The following SPTB variants were observed in gnomAD, a reference collection of about 807,000 sequenced individuals.
SPTB encodes the protein spectrin beta chain, erythrocytic.
SPTB carries 45 observed loss-of-function variants against 256.2 expected under a neutral mutation model. That is an observed-to-expected ratio of 0.18 (90% confidence interval 0.14 to 0.23). SPTB has a LOEUF of 0.23. Among genes scored for constraint, SPTB ranks in the 10% least tolerant of loss-of-function variants. The pLI is 1.00. For synonymous variants in SPTB, 1,231 were observed against 1,243.1 expected (o/e 0.99, Z 0.21); for missense variants, 2,715 against 3,040.4 (o/e 0.89, Z 2.52).
rs747387364 is a variant in SPTB at position 64,775,382 on chromosome 14, C to A, written c.4585G>T (p.Gly1529Cys). The change falls in exon 23 of 36, where the codon GGC becomes TGC. Residue 1529 changes from glycine to cysteine, a missense_variant. By Grantham distance (159) the Gly-to-Cys change is radical (BLOSUM62 -3). Transcript: ENST00000644917. The surrounding 1 kb of genome is among the most constrained non-coding windows in gnomAD (Gnocchi z 5.0). Reference sequence around the variant, plus strand: ...ACATCCTCAACCCGCGGCGTATGGCCCAGAATCTCATTCTGCAGTGTCTGC... The same window carrying A: ...ACATCCTCAACCCGCGGCGTATGGCACAGAATCTCATTCTGCAGTGTCTGC... ...KNQTLQNEIL[G>C]HTPRVEDVLQ... 6.2e-7 allele frequency: 1 copy of A among 1,612,556 alleles called. No homozygotes were observed. Among genetic ancestry groups the A allele is most frequent in the Non-Finnish European group, 8.5e-7 (1 of 1,178,916 alleles).
intron 33 of SPTB, among the ~76,000 whole-genome samples, chr14:64,751,867 C>G (rs558707949): frequency 2.7e-5 from 4 of 146,994 alleles, no homozygotes; most frequent in African/African-American, 7.6e-5. Flanking sequence ...GCGGATCATG[C>G]GGTCAGGAGT....
intron 32 of SPTB, 140 bp from the exon 33 acceptor site, chr14:64,753,933 A>G: frequency 2.6e-6 from 3 of 1,149,862 alleles, no homozygotes; most frequent in Non-Finnish European, 3.8e-6. Context: ...CTCCTGGCCC[A>G]CCCTGGCTCT....
intron 29 of SPTB, 97 bp from the exon 30 acceptor site, chr14:64,767,956 G>T: frequency 7.2e-7 from 1 of 1,390,966 alleles, no homozygotes; most frequent in Non-Finnish European, 1.0e-6. Flanking sequence ...CAGGCAGGTG[G>T]CCTGAATAGG....
In SPTB at chr14:64,760,607, G is replaced by A. The variant is rs1008942719; in HGVS notation, c.6345+6119C>T. 1.2e-4 allele frequency among the ~76,000 whole-genome samples: 19 copies of A among 152,176 alleles called. No homozygotes were observed. Among genetic ancestry groups the A allele is most frequent in the South Asian group, 4.1e-4 (2 of 4,824 alleles). On this transcript the variant is annotated intron_variant, in intron 32 of 35. Transcript: ENST00000644917. This position sits in a 1 kb window ranked among gnomAD's most constrained non-coding sequence, Gnocchi z 4.3. ...CAACGGGATGCATCGTGCCACAACT[G>A]AATTCATGTTAGAATTCACATGGAG...
chr14:64,833,665 A>G (rs531592018), intron 1 of SPTB, among the ~76,000 whole-genome samples: 2 of 152,226 alleles, frequency 1.3e-5, no homozygotes, highest in South Asian at 4.1e-4. Flanking sequence ...TCATCAATGC[A>G]CTTGCCATAC....
In SPTB at chr14:64,764,879, A is replaced by C. The variant is rs2139465155; in HGVS notation, c.6345+1847T>G. On this transcript the variant is annotated intron_variant, in intron 32 of 35. Transcript: ENST00000644917. This position sits in a 1 kb window ranked among gnomAD's most constrained non-coding sequence, Gnocchi z 4.2. ...CCACCACAGACAGGGAGGCGACCCCACATGCGATGACGGGAGCTTCGGAGG... is the reference window on the plus strand; with the variant it reads ...CCACCACAGACAGGGAGGCGACCCCCCATGCGATGACGGGAGCTTCGGAGG... Among the ~76,000 whole-genome samples the C allele has an allele frequency of 6.6e-6, 1 of 152,230 alleles. No homozygotes were observed. The highest frequency in any genetic ancestry group is 2.4e-5 in the African/African-American group (1 of 41,536).
Position 64,866,580 on chromosome 14 carries a change from CAGG to C in SPTB, c.-52+13209_-52+13211del, listed in dbSNP as rs1157530024. 2.0e-5 allele frequency among the ~76,000 whole-genome samples: 3 copies of C among 152,150 alleles called. No homozygotes were observed. The highest frequency in any genetic ancestry group is 7.2e-5 in the African/African-American group (3 of 41,418). ...ATCAGTCACTGGGTGCAGGACGAGG[CAGG>C]AGAAGAGAGCGGCTGGATTGCAGTG... On this transcript the variant is annotated intron_variant, in intron 1 of 35. Coordinates refer to ENST00000644917, the MANE Select transcript of SPTB (RefSeq NM_001355436.2). This position sits in a 1 kb window ranked among gnomAD's most constrained non-coding sequence, Gnocchi z 4.6.
At chr14:64,846,540 G>A (rs796456212) in intron 1 of SPTB, among the ~76,000 whole-genome samples, 44 of 152,218 alleles carry the variant, frequency 2.9e-4, no homozygotes, top group Non-Finnish European at 1.0e-4. Flanking sequence ...ATAAATGTAC[G>A]CACCTGTGTT....
chr14:64,760,088 G>C lies in SPTB; in HGVS notation c.6346-6295C>G, dbSNP rs1003525622. Among the ~76,000 whole-genome samples, 1 of 152,176 alleles carries C rather than the reference G, an allele frequency of 6.6e-6. No homozygotes were observed. The highest frequency in any genetic ancestry group is 2.4e-5 in the African/African-American group (1 of 41,426). ...GGCACAGCCCTTTTGGGGTCTCACA[G>C]GATTGTAGTCAAACCAACAGGGAGA... On this transcript the variant is annotated intron_variant, in intron 32 of 35. Coordinates refer to ENST00000644917, the MANE Select transcript of SPTB (RefSeq NM_001355436.2). This position sits in a 1 kb window ranked among gnomAD's most constrained non-coding sequence, Gnocchi z 4.3.
chr14:64,874,654 C>T (rs1464086197), intron 1 of SPTB, among the ~76,000 whole-genome samples: 1 of 152,228 alleles, frequency 6.6e-6, no homozygotes, highest in Admixed American at 6.5e-5. Context: ...AGGTTACAGA[C>T]TTCTTTCTGG....
At chr14:64,850,406 C>G (rs2083764860) in intron 1 of SPTB, among the ~76,000 whole-genome samples, 1 of 152,206 alleles carries the variant, frequency 6.6e-6, no homozygotes, top group African/African-American at 2.4e-5. Context: ...TTGATTCAAC[C>G]TCAGACTTGA....
At chr14:64,858,464 A>G (rs2083907520) in intron 1 of SPTB, among the ~76,000 whole-genome samples, 1 of 152,188 alleles carries the variant, frequency 6.6e-6, no homozygotes, top group Non-Finnish European at 1.5e-5. Context: ...CACAGTCAGG[A>G]GCAGTAGGAG....
chr14:64,871,006 G>A (rs1882498206), intron 1 of SPTB, among the ~76,000 whole-genome samples: 1 of 152,166 alleles, frequency 6.6e-6, no homozygotes, highest in African/African-American at 2.4e-5. Flanking sequence ...TGATGGTGAT[G>A]GCTGCACAGC....
In SPTB at chr14:64,795,559, G is replaced by A. The variant is rs755620938; in HGVS notation, c.1422C>T (p.Tyr474=). 2.7e-5 allele frequency: 43 copies of A among 1,613,948 alleles called. No homozygotes were observed. The highest frequency in any genetic ancestry group is 3.5e-5 in the Non-Finnish European group (41 of 1,180,020). The change falls in exon 12 of 36, where the codon TAC becomes TAT. Residue 474 remains tyrosine, a synonymous_variant. Coordinates refer to ENST00000644917, the MANE Select transcript of SPTB (RefSeq NM_001355436.2). This position sits in a 1 kb window ranked among gnomAD's most constrained non-coding sequence, Gnocchi z 6.5. ...CCTCCAGGGCTCTCACCCGCTCCTC[G>A]TAGGCAGCCGTGTCGGTCTCGATGG... ...HEAIETDTAA[Y]EERVRALEDL...
chr14:64,779,655 G>A lies in SPTB; in HGVS notation c.4473+70C>T, dbSNP rs1420612906. The A allele has an allele frequency of 2.5e-6, 4 of 1,585,310 alleles. No homozygotes were observed. The highest frequency in any genetic ancestry group is 3.5e-6 in the Non-Finnish European group (4 of 1,155,450). Reference sequence around the variant, plus strand: ...CTACTGCCAAAAATTGCTCTGGGTGGCAGCCAGCTACTCTGATGGCAGCTG... The same window carrying A: ...CTACTGCCAAAAATTGCTCTGGGTGACAGCCAGCTACTCTGATGGCAGCTG... On this transcript the variant is annotated intron_variant, in intron 21 of 35. Coordinates refer to ENST00000644917, the MANE Select transcript of SPTB (RefSeq NM_001355436.2). This position sits in a 1 kb window ranked among gnomAD's most constrained non-coding sequence, Gnocchi z 4.2.
intron 1 of SPTB, among the ~76,000 whole-genome samples, chr14:64,851,455 A>AGTAGCT (rs1316812504): frequency 2.6e-5 from 4 of 152,070 alleles, no homozygotes; most frequent in Non-Finnish European, 5.9e-5. Flanking sequence ...TAGCAGTAGC[A>AGTAGCT]GTAGCAGTAG....
At chr14:64,840,446 A>G (rs567336485) in intron 1 of SPTB, among the ~76,000 whole-genome samples, 57 of 152,350 alleles carry the variant, frequency 3.7e-4, no homozygotes, top group Admixed American at 4.6e-4. Flanking sequence ...ATACTAAAAA[A>G]GCAAAAGTCT....
chr14:64,819,917 A>C (rs2083259803), intron 2 of SPTB, among the ~76,000 whole-genome samples: 1 of 152,220 alleles, frequency 6.6e-6, no homozygotes, highest in African/African-American at 2.4e-5. Context: ...TCTTCACAAC[A>C]ACCTTGAGAA....
chr14:64,822,351 T>TTC lies in SPTB; in HGVS notation c.148+594_148+595dup, dbSNP rs200994413. 1.2e-3 allele frequency among the ~76,000 whole-genome samples: 10 copies of TTC among 8,214 alleles called. No homozygotes were observed. In the East Asian group the frequency reaches 0.014, roughly 11 times the overall value. The allele number at this position is 8,214 out of a possible 152,430, so 5.4% of individuals were successfully genotyped here. On this transcript the variant is annotated intron_variant, in intron 2 of 35. Coordinates refer to ENST00000644917, the MANE Select transcript of SPTB (RefSeq NM_001355436.2). Reference sequence around the variant, plus strand: ...ATTTAAGATATTCTCCACCCCCACCTTCTCTCTCTCTCTCTCTCTCTCTCA... The same window carrying TTC: ...ATTTAAGATATTCTCCACCCCCACCTTCTCTCTCTCTCTCTCTCTCTCTCTCA...
Sources: gnomAD v4.1 joint callset for allele counts (sites outside exome capture counted in the v4.1 genomes callset) on GRCh38, gnomAD v4.1.1 for gene constraint, Gnocchi (gnomAD v3.1) non-coding constraint, MANE v1.5 for transcripts, NCBI Gene and HGNC (gene_info 2026-07-23, HGNC 2026-07-21) for gene names.